Variants in TCFL5 observed in about 807,000 individuals in gnomAD.
TCFL5 encodes transcription factor like 5, also known as transcription factor-like 5 protein.
Under a neutral mutation model 44.3 loss-of-function variants are expected in TCFL5, and 9 were observed. That is an observed-to-expected ratio of 0.20 (90% CI 0.12 to 0.35). The LOEUF (loss-of-function observed/expected upper bound fraction) is 0.35, where lower values mean the gene tolerates loss of function less well. Ranked by LOEUF, TCFL5 falls within the 10% of genes least tolerant of loss-of-function variation. The probability of loss-of-function intolerance (pLI) is 1.00; values close to 1 mark genes in which losing one functional copy is unlikely to be tolerated. For synonymous variants in TCFL5, 319 were observed against 271.6 expected (o/e 1.17, Z -1.72); for missense variants, 603 against 613.4 (o/e 0.98, Z 0.18).
chr20:62,843,801 G>C (rs1014660110), intron 5 of TCFL5, among the ~76,000 whole-genome samples: 7 of 152,170 alleles, frequency 4.6e-5, no homozygotes, highest in Admixed American at 2.0e-4. Flanking sequence ...CTGTCTCTCT[G>C]AATCTGACGG....
intron 5 of TCFL5, chr20:62,852,444 CCTT>C (rs1378824487): frequency 1.1e-5 from 11 of 985,372 alleles, no homozygotes; most frequent in Non-Finnish European, 1.3e-5. Context: ...GTGACTGACA[CCTT>C]CTTCCTTTTA....
At chr20:62,850,652 G>A (rs1286168171) in intron 5 of TCFL5, among the ~76,000 whole-genome samples, 1 of 152,154 alleles carries the variant, frequency 6.6e-6, no homozygotes, top group Non-Finnish European at 1.5e-5. Flanking sequence ...TCCCCCAGCA[G>A]CAGGGTGATA....
chr20:62,851,765 C>A, intron 5 of TCFL5: 2 of 985,446 alleles, frequency 2.0e-6, no homozygotes, highest in Non-Finnish European at 2.4e-6. Flanking sequence ...TCACTCAACA[C>A]AGCCCAGCTG....
At position 62,860,194 on chromosome 20, in the gene TCFL5, T is replaced by C. The variant is rs2063971172; in HGVS notation, c.762A>G (p.Gln254=). ...TTGTAGTAAACAGTGGGTATGTAAA[T>C]TGCAAAGCAGTAGTTGTAGCCGCAG... ...NKTAATTTAL[Q]FTYPLFTTNA... The change falls in exon 2 of 6, where the codon CAA becomes CAG. Residue 254 remains glutamine, a synonymous_variant. Transcript: ENST00000335351. The C allele has an allele frequency of 2.5e-6, 4 of 1,613,826 alleles. No individual in the cohort carries two copies. The South Asian group carries it at 3.3e-5, about 13-fold the overall frequency.
intron 5 of TCFL5, chr20:62,845,100 T>C (rs1204344809): frequency 2.1e-5 from 21 of 987,912 alleles, no homozygotes; most frequent in Non-Finnish European, 2.2e-5. Context: ...CACCTGCATA[T>C]AAATATACTC....
Position 62,853,948 on chromosome 20 carries a change from G to A in TCFL5, c.1380+68C>T, listed in dbSNP as rs6062713. The A allele has an allele frequency of 3.9e-6, 6 of 1,554,664 alleles. No individual in the cohort carries two copies. The East Asian group carries it at 1.1e-4, about 29-fold the overall frequency. On this transcript the variant is annotated intron_variant, in intron 5 of 5. Transcript: ENST00000335351. ...CAAAGGATAGTTTGAGTTATCCTTA[G>A]GAAAAAGGAGGGACATTGTTAAGTA...
chr20:62,844,476 C>T lies in TCFL5; in HGVS notation c.1381-2379G>A, dbSNP rs570399053. On this transcript the variant is annotated intron_variant, in intron 5 of 5. Coordinates refer to ENST00000335351, the MANE Select transcript of TCFL5 (RefSeq NM_006602.4). Reference sequence around the variant, plus strand: ...CTCAGGCTGGAATGCAGTGGCACATCCACGGCTCACTGCAGGCTCAGCCTC... The same window carrying T: ...CTCAGGCTGGAATGCAGTGGCACATTCACGGCTCACTGCAGGCTCAGCCTC... Among the ~76,000 whole-genome samples the T allele has an allele frequency of 3.2e-4, 49 of 152,228 alleles. 1 individual carries two copies. In the South Asian group the frequency reaches 5.0e-3, roughly 15 times the overall value.
At chr20:62,851,003 C>T (rs1012869614) in intron 5 of TCFL5, among the ~76,000 whole-genome samples, 5 of 152,202 alleles carry the variant, frequency 3.3e-5, no homozygotes, top group Non-Finnish European at 4.4e-5. Flanking sequence ...CTCTATCTTG[C>T]GCAGGGTACC....
intron 4 of TCFL5, among the ~76,000 whole-genome samples, chr20:62,856,172 C>T (rs2063885683): frequency 6.9e-6 from 1 of 145,962 alleles, no homozygotes; most frequent in African/African-American, 2.5e-5. Flanking sequence ...CTCGCTTGAA[C>T]CTGGGAGGCG....
chr20:62,841,196 A>G lies in TCFL5; in HGVS notation c.*779T>C, dbSNP rs1568770078. 1 of 170,370 alleles carries G rather than the reference A, an allele frequency of 5.9e-6. No homozygotes were observed. The highest frequency in any genetic ancestry group is 1.3e-5 in the Non-Finnish European group (1 of 78,372). 10.6% of individuals were successfully genotyped at this position (170,370 alleles called of 1,614,324 possible). On this transcript the variant is annotated 3_prime_UTR_variant, in exon 6 of 6. Coordinates refer to ENST00000335351, the MANE Select transcript of TCFL5 (RefSeq NM_006602.4). ...TCTGATGTTTTGTGTACAAACTCAC[A>G]TCTCCAATTAACAGTATTTATTGAG...
At chr20:62,851,845 T>C (rs1248754364) in intron 5 of TCFL5, 2 of 984,260 alleles carry the variant, frequency 2.0e-6, no homozygotes, top group Non-Finnish European at 2.4e-6. Context: ...AGTCTCGCTC[T>C]GTCACCCAGG....
rs1285276889 is a variant in TCFL5, at chr20:62,841,641, C to CA, written c.*333dup. ...GTACTTTTTAAGATTAAAGAAAGTA[C>CA]AAAGGATGTCAATTTTTTAAGTTAT... On this transcript the variant is annotated 3_prime_UTR_variant, in exon 6 of 6. Coordinates refer to ENST00000335351, the MANE Select transcript of TCFL5 (RefSeq NM_006602.4). The CA allele has an allele frequency of 1.1e-5, 2 of 174,602 alleles. No homozygotes were observed. The highest frequency in any genetic ancestry group is 2.4e-5 in the Non-Finnish European group (2 of 83,184). The allele number at this position is 174,602 out of a possible 1,614,324, so 10.8% of individuals were successfully genotyped here. A position where few individuals can be genotyped will look rare whatever the true frequency, so the allele number is the denominator to read the frequency against.
intron 2 of TCFL5, 85 bp downstream of exon 2, chr20:62,860,040 A>C: frequency 7.2e-7 from 1 of 1,385,934 alleles, no homozygotes; most frequent in Non-Finnish European, 9.9e-7. Flanking sequence ...GAAGGGAAAA[A>C]AAAGTACTTG....
At chr20:62,853,087 TCACCGGTCCACAGAAGC>T (rs2063836006) in intron 5 of TCFL5, among the ~76,000 whole-genome samples, 7 of 132,356 alleles carry the variant, frequency 5.3e-5, no homozygotes, top group East Asian at 2.3e-4. Context: ...AGAAGCACAG[TCACCGGTCCACAGAAGC>T]ATAGTCACCC....
intron 4 of TCFL5, among the ~76,000 whole-genome samples, chr20:62,854,964 T>C (rs912735250): frequency 2.0e-5 from 3 of 152,158 alleles, no homozygotes; most frequent in Non-Finnish European, 4.4e-5. Flanking sequence ...TAACCACAAG[T>C]CTACGCAGTA....
Position 62,851,971 on chromosome 20 carries a change from A to G in TCFL5, c.1380+2045T>C, listed in dbSNP as rs1312702257. 8 of 815,852 alleles carry G rather than the reference A, an allele frequency of 9.8e-6. No homozygotes were observed. In the East Asian group the frequency reaches 7.5e-4, roughly 77 times the overall value. The allele number at this position is 815,852 out of a possible 1,614,324, so 50.5% of individuals were successfully genotyped here. On this transcript the variant is annotated intron_variant, in intron 5 of 5. Coordinates refer to ENST00000335351, the MANE Select transcript of TCFL5 (RefSeq NM_006602.4). ...CTACAGGCGCCACCACGCCTGGCTA[A>G]TTTTTGTATTTTTAATAGAGACGGG...
At chr20:62,855,536 G>A (rs1034915761) in intron 4 of TCFL5, among the ~76,000 whole-genome samples, 1 of 152,196 alleles carries the variant, frequency 6.6e-6, no homozygotes, top group African/African-American at 2.4e-5. Flanking sequence ...GGAGGCCGAG[G>A]CACGTGGATC....
chr20:62,859,898 G>T (rs1224781443), intron 2 of TCFL5, among the ~76,000 whole-genome samples: 1 of 151,780 alleles, frequency 6.6e-6, no homozygotes, highest in Non-Finnish European at 1.5e-5. Context: ...ATTTTCGTAC[G>T]GGGTTTCACC....
chr20:62,844,992 C>A (rs1379963738), intron 5 of TCFL5: 2 of 985,510 alleles, frequency 2.0e-6, no homozygotes, highest in Non-Finnish European at 2.4e-6. Flanking sequence ...AACTTCTGAA[C>A]CACCTGGAGT....
Sources: allele counts gnomAD v4.1 joint callset (sites outside exome capture counted in the v4.1 genomes callset), GRCh38; gene constraint gnomAD v4.1.1; transcripts MANE v1.5; gene names NCBI Gene and HGNC (gene_info 2026-07-23, HGNC 2026-07-21).